LRPPRC: variants seen among roughly 807,000 people sequenced by gnomAD.
LRPPRC encodes leucine-rich PPR motif-containing protein, mitochondrial.
In LRPPRC, 120 loss-of-function variants were observed where a neutral mutation model predicts 180.3. The observed-to-expected ratio is 0.67, with a 90% CI of 0.57 to 0.77. The LOEUF (loss-of-function observed/expected upper bound fraction) is 0.77, where lower values mean the gene tolerates loss of function less well. Ranked by LOEUF, LRPPRC falls within the 30% of genes least tolerant of loss-of-function variation. LRPPRC has a pLI of 0.00. For missense variants in LRPPRC, 2,012 were observed against 1,657.2 expected, an observed-to-expected ratio of 1.21 and a Z score of -3.72; for synonymous variants, 723 against 600.0, an observed-to-expected ratio of 1.21 and a Z score of -3.00.
chr2:43,959,632 C>T (rs1375370248), intron 13 of LRPPRC, among the ~76,000 whole-genome samples: 1 of 152,154 alleles, frequency 6.6e-6, no homozygotes, highest in Admixed American at 6.6e-5. Context: ...AGGCCAGGCG[C>T]AGTGGCTCAC....
chr2:43,942,887 T>G (rs1672535658), intron 23 of LRPPRC, among the ~76,000 whole-genome samples: 1 of 152,142 alleles, frequency 6.6e-6, no homozygotes, highest in Non-Finnish European at 1.5e-5. Flanking sequence ...ATCTTCCATT[T>G]TATTTTATTT....
At chr2:43,951,438 G>C (rs1457298216) in intron 14 of LRPPRC, among the ~76,000 whole-genome samples, 2 of 152,202 alleles carry the variant, frequency 1.3e-5, no homozygotes, top group Non-Finnish European at 2.9e-5. Context: ...ATAATATTAA[G>C]TGGTAAAACT....
At chr2:43,967,900 G>A (rs1160458741) in intron 11 of LRPPRC, among the ~76,000 whole-genome samples, 1 of 152,090 alleles carries the variant, frequency 6.6e-6, no homozygotes, top group Non-Finnish European at 1.5e-5. Context: ...AAATCCCACT[G>A]TGCTCTTCTT....
chr2:43,901,635 TATGA>T (rs1433241914), intron 31 of LRPPRC, 111 bp from the exon 32 acceptor site: 1 of 709,016 alleles, frequency 1.4e-6, no homozygotes, highest in Non-Finnish European at 2.5e-6. Context: ...AACAAAAAGC[TATGA>T]ATAATTAATT....
chr2:43,934,871 G>T lies in LRPPRC; in HGVS notation c.2512C>A (p.Leu838Ile), dbSNP rs1338475609. The T allele has an allele frequency of 6.2e-7, 1 of 1,612,726 alleles. No homozygotes were observed. The highest frequency in any genetic ancestry group is 8.5e-7 in the Non-Finnish European group (1 of 1,179,226). ...ATGGCGACCTCAAGAGCAGTAGATA[G>T]GTCGCCCCTTAGAAACAAAAAAATT... ...LVTVHLEKGDLSTALEVAIDC... is the reference protein window; with the variant it reads ...LVTVHLEKGDISTALEVAIDC... The change falls in exon 24 of 38, where the codon CTA becomes ATA. Residue 838 changes from leucine (L) to isoleucine (I), a missense_variant. By Grantham distance (5) the Leu-to-Ile change is conservative. Coordinates refer to ENST00000260665, the MANE Select transcript of LRPPRC (RefSeq NM_133259.4).
At chr2:43,956,588 TAC>T (rs1673126914) in intron 14 of LRPPRC, among the ~76,000 whole-genome samples, 5 of 151,666 alleles carry the variant, frequency 3.3e-5, no homozygotes, top group Non-Finnish European at 7.4e-5. Flanking sequence ...CTGGCAAATC[TAC>T]ACAAAGGGTA....
intron 30 of LRPPRC, among the ~76,000 whole-genome samples, chr2:43,907,743 C>G (rs1045201129): frequency 3.9e-5 from 6 of 152,180 alleles, no homozygotes; most frequent in African/African-American, 1.2e-4. Context: ...AAAGAGTACC[C>G]TCTTTCAATT....
chr2:43,904,692 C>CAAAAA (rs775237727), intron 31 of LRPPRC: 1 of 43,178 alleles, frequency 2.3e-5, no homozygotes. Flanking sequence ...GACCCTATCT[C>CAAAAA]AAAAAAAACA....
intron 21 of LRPPRC, 95 bp from the exon 22 acceptor site, chr2:43,945,512 G>C (rs1672648828): frequency 2.6e-6 from 2 of 771,834 alleles, no homozygotes; most frequent in South Asian, 2.8e-5. Context: ...AAGCTCATCA[G>C]AAGACCTGAA....
chr2:43,948,885 T>G (rs1345697632), intron 16 of LRPPRC, among the ~76,000 whole-genome samples: 7 of 152,174 alleles, frequency 4.6e-5, no homozygotes, highest in Non-Finnish European at 1.0e-4. Flanking sequence ...TATACTGTTT[T>G]TTTTTTGTGG....
intron 35 of LRPPRC, among the ~76,000 whole-genome samples, chr2:43,895,865 CTTACAG>C (rs766210159): frequency 1.3e-5 from 2 of 152,114 alleles, no homozygotes; most frequent in Admixed American, 6.5e-5. Flanking sequence ...TAATTTTATA[CTTACAG>C]TTAAACATCA....
chr2:43,974,035 A>T lies in LRPPRC; in HGVS notation c.1155+115T>A, dbSNP rs956925374. The stretch of plus-strand genomic sequence containing the variant: ...TTTCTACCCAAAAATCTTGCAACAC[A>T]AGAACATTGTTATGATGTTTACAAC... On this transcript the variant is annotated intron_variant, in intron 9 of 37. Coordinates refer to ENST00000260665, the MANE Select transcript of LRPPRC (RefSeq NM_133259.4). 2.0e-5 allele frequency: 25 copies of T among 1,243,588 alleles called. No individual in the cohort carries two copies. The Middle Eastern group carries it at 1.9e-3, about 93-fold the overall frequency. 77.0% of individuals were successfully genotyped at this position (1,243,588 alleles called of 1,614,324 possible). A position where few individuals can be genotyped will look rare whatever the true frequency, so the allele number is the denominator to read the frequency against.
chr2:43,889,314 CAA>C (rs780032604), intron 37 of LRPPRC, among the ~76,000 whole-genome samples: 960 of 38,076 alleles, frequency 0.025, no homozygotes, highest in Middle Eastern at 0.071. Context: ...GACTCCATCT[CAA>C]AAAAAAAAAA....
At chr2:43,911,729 G>A (rs951984024) in intron 30 of LRPPRC, among the ~76,000 whole-genome samples, 1 of 151,756 alleles carries the variant, frequency 6.6e-6, no homozygotes, top group African/African-American at 2.4e-5. Flanking sequence ...GTTTCACCAT[G>A]TTGGCCAGGC....
chr2:43,929,405 G>C (rs1251388040), intron 25 of LRPPRC, among the ~76,000 whole-genome samples: 2 of 152,162 alleles, frequency 1.3e-5, no homozygotes, highest in Non-Finnish European at 2.9e-5. Context: ...CTATGTGTGT[G>C]TAAGTTTTGA....
chr2:43,956,478 CGTGTGT>C (rs56919652), intron 14 of LRPPRC, among the ~76,000 whole-genome samples: 71 of 142,570 alleles, frequency 5.0e-4, no homozygotes, highest in South Asian at 9.3e-4. Flanking sequence ...AAGAAAAAAA[CGTGTGT>C]GTGTGTGTGT....
chr2:43,985,799 G>T (rs1674504026), intron 1 of LRPPRC, among the ~76,000 whole-genome samples: 1 of 152,226 alleles, frequency 6.6e-6, no homozygotes, highest in South Asian at 2.1e-4. Context: ...GCATTTGTGT[G>T]AAGGTTTTGG....
At chr2:43,890,782 G>A (rs992858585) in intron 36 of LRPPRC, among the ~76,000 whole-genome samples, 4 of 152,330 alleles carry the variant, frequency 2.6e-5, no homozygotes, top group Non-Finnish European at 4.4e-5. Flanking sequence ...TTAAGTGAAT[G>A]ATGAAATATG....
chr2:43,978,110 G>C (rs1413171430), intron 3 of LRPPRC, among the ~76,000 whole-genome samples: 1 of 152,030 alleles, frequency 6.6e-6, no homozygotes, highest in Non-Finnish European at 1.5e-5. Flanking sequence ...ACATATAGTG[G>C]CTCACTCAAA....
Sources: gnomAD v4.1 joint callset for allele counts (sites outside exome capture counted in the v4.1 genomes callset) on GRCh38, gnomAD v4.1.1 for gene constraint, MANE v1.5 for transcripts, NCBI Gene and HGNC (gene_info 2026-07-23, HGNC 2026-07-21) for gene names.